Variants in ARSG observed in about 807,000 individuals in gnomAD.
The protein encoded by ARSG is ASG.
In ARSG, 37 loss-of-function variants were observed where a neutral mutation model predicts 50.5. The ratio of observed to expected loss-of-function variants is 0.73; its 90% CI spans 0.56 to 0.96. ARSG has a LOEUF of 0.96. Among genes scored for constraint, ARSG ranks in the 50% least tolerant of loss-of-function variants. The pLI is 0.00. For missense variants in ARSG, 629 were observed against 675.3 expected, an observed-to-expected ratio of 0.93 and a Z score of 0.76; for synonymous variants, 225 against 254.6, an observed-to-expected ratio of 0.88 and a Z score of 1.11.
intron 11 of ARSG, among the ~76,000 whole-genome samples, chr17:68,414,593 AGGGTTG>A (rs1212348977): frequency 6.6e-6 from 1 of 152,194 alleles, no homozygotes; most frequent in Non-Finnish European, 1.5e-5. Flanking sequence ...TAGTGTCAAA[AGGGTTG>A]GTACCAATTC....
At chr17:68,299,296 G>T (rs1568434684) in intron 1 of ARSG, among the ~76,000 whole-genome samples, 1 of 151,698 alleles carries the variant, frequency 6.6e-6, no homozygotes, top group East Asian at 1.9e-4. Flanking sequence ...GTAGAGATGG[G>T]GTTTCACCAT....
intron 11 of ARSG, among the ~76,000 whole-genome samples, chr17:68,415,184 C>T (rs1393132350): frequency 2.6e-5 from 4 of 152,060 alleles, no homozygotes; most frequent in Admixed American, 6.6e-5. Context: ...CCCCTTAGCC[C>T]CTCCTTTGCT....
upstream of ARSG, among the ~76,000 whole-genome samples, chr17:68,289,606 A>G (rs2075922449): frequency 6.6e-6 from 1 of 152,230 alleles, no homozygotes; most frequent in Admixed American, 6.5e-5. Flanking sequence ...TGTCAAAACC[A>G]GTCTGTATTT....
At chr17:68,266,125 G>A (rs2075154751) in intron 1 of ARSG, among the ~76,000 whole-genome samples, 1 of 151,964 alleles carries the variant, frequency 6.6e-6, no homozygotes, top group Non-Finnish European at 1.5e-5. Flanking sequence ...TGGCTACCAT[G>A]ATATCATTTC....
chr17:68,293,363 C>T (rs1244426988), intron 1 of ARSG, among the ~76,000 whole-genome samples: 1 of 152,124 alleles, frequency 6.6e-6, no homozygotes, highest in Non-Finnish European at 1.5e-5. Context: ...CATAAAATCT[C>T]TGTACTTCAG....
At chr17:68,397,773 T>C (rs149428950) in intron 10 of ARSG, among the ~76,000 whole-genome samples, 1 of 150,904 alleles carries the variant, frequency 6.6e-6, no homozygotes, top group African/African-American at 2.5e-5. Context: ...AATTTAATTT[T>C]ATTTTATTTT....
Position 68,387,114 on chromosome 17 carries a change from CACACAT to C in ARSG, c.1091+1945_1091+1950del, listed in dbSNP as rs1033569678. Among the ~76,000 whole-genome samples, 22 of 123,596 alleles carry C rather than the reference CACACAT, an allele frequency of 1.8e-4. No individual in the cohort carries two copies. In the South Asian group the frequency reaches 1.8e-3, roughly 10 times the overall value. The allele number at this position is 123,596 out of a possible 152,430, so 81.1% of individuals were successfully genotyped here. On this transcript the variant is annotated intron_variant, in intron 9 of 11. Transcript: ENST00000621439. ...ACACACACACACACACACACACACACACACATACCTTTTATTTTATTTATTTTGTTA... is the reference window on the plus strand; with the variant it reads ...ACACACACACACACACACACACACACACCTTTTATTTTATTTATTTTGTTA...
At chr17:68,286,399 C>T (rs782367735) in intron 1 of ARSG, among the ~76,000 whole-genome samples, 4 of 152,134 alleles carry the variant, frequency 2.6e-5, no homozygotes, top group South Asian at 4.1e-4. Flanking sequence ...TTTGTAAAAT[C>T]GGGAAACTGA....
the ARSG span, among the ~76,000 whole-genome samples, chr17:68,443,743 A>G: frequency 0.11 from 16,531 of 152,252 alleles, 985 homozygotes; most frequent in South Asian, 0.23. Flanking sequence ...ACTGAAATAT[A>G]ATAGAAGCAG....
At chr17:68,300,592 C>T (rs1441880535) in intron 1 of ARSG, among the ~76,000 whole-genome samples, 1 of 152,128 alleles carries the variant, frequency 6.6e-6, no homozygotes, top group Non-Finnish European at 1.5e-5. Context: ...AGAGGTCCAT[C>T]TCCTCTCTCT....
intron 2 of ARSG, among the ~76,000 whole-genome samples, chr17:68,317,903 A>T (rs1473758376): frequency 6.6e-6 from 1 of 152,216 alleles, no homozygotes; most frequent in Non-Finnish European, 1.5e-5. Flanking sequence ...GTTCAAGACC[A>T]GCCTGGCCAA....
intron 1 of ARSG, chr17:68,274,038 C>G (rs142630255): frequency 6.2e-7 from 1 of 1,613,928 alleles, no homozygotes; most frequent in Non-Finnish European, 8.5e-7. Context: ...AGACGGTGTC[C>G]GAAACGATTG....
At chr17:68,331,287 G>A (rs2077755465) in intron 2 of ARSG, among the ~76,000 whole-genome samples, 1 of 143,486 alleles carries the variant, frequency 7.0e-6, no homozygotes, top group African/African-American at 2.6e-5. Context: ...GTCTTGCTCT[G>A]TCACCCAGAC....
At chr17:68,388,883 C>T (rs1334926343) in intron 9 of ARSG, among the ~76,000 whole-genome samples, 16 of 146,398 alleles carry the variant, frequency 1.1e-4, no homozygotes, top group Non-Finnish European at 1.8e-4. Context: ...CGAGATCGCA[C>T]CACTGCATTC....
At chr17:68,331,203 TTCTTTC>T (rs1568477598) in intron 2 of ARSG, among the ~76,000 whole-genome samples, 1 of 35,426 alleles carries the variant, frequency 2.8e-5, no homozygotes, top group African/African-American at 1.3e-4. Context: ...CTTTCTTTCT[TTCTTTC>T]TTTCTTTCTT....
intron 11 of ARSG, among the ~76,000 whole-genome samples, chr17:68,415,648 C>T (rs926590060): frequency 2.6e-5 from 4 of 151,602 alleles, no homozygotes; most frequent in African/African-American, 4.9e-5. Context: ...ATTGTGTTGC[C>T]GTCTATCTCA....
chr17:68,297,153 G>T (rs2076237592), intron 1 of ARSG, among the ~76,000 whole-genome samples: 1 of 152,192 alleles, frequency 6.6e-6, no homozygotes, highest in Non-Finnish European at 1.5e-5. Flanking sequence ...CCTGGACAAA[G>T]AGTTCTTTTG....
chr17:68,329,127 G>T (rs948299668), intron 2 of ARSG, among the ~76,000 whole-genome samples: 9 of 152,250 alleles, frequency 5.9e-5, no homozygotes, highest in Non-Finnish European at 8.8e-5. Flanking sequence ...GGTGAAATGA[G>T]AGCTGAAGTC....
In ARSG at chr17:68,385,176, T is replaced by G; in HGVS notation, c.1091+4T>G. The G allele has an allele frequency of 1.2e-6, 2 of 1,612,742 alleles. No homozygotes were observed. Among genetic ancestry groups the G allele is most frequent in the South Asian group, 2.2e-5 (2 of 91,056 alleles). The stretch of plus-strand genomic sequence containing the variant: ...TCACCAGCACTGCCTTGTTAAGGTA[T>G]GAGACCAAAACTACCTTGAGATGTT... On this transcript the variant is annotated splice_donor_region_variant and intron_variant, in intron 9 of 11. Coordinates refer to ENST00000621439, the MANE Select transcript of ARSG (RefSeq NM_001267727.2).
Sources: gnomAD v4.1 joint callset for allele counts (sites outside exome capture counted in the v4.1 genomes callset) on GRCh38, gnomAD v4.1.1 for gene constraint, MANE v1.5 for transcripts, NCBI Gene and HGNC (gene_info 2026-07-23, HGNC 2026-07-21) for gene names.